WDR62: variants seen among roughly 807,000 people sequenced by gnomAD.
WDR62 encodes the protein WD repeat domain 62, also known as WD repeat-containing protein 62.
In WDR62, 112 loss-of-function variants were observed where a neutral mutation model predicts 160.6. The observed-to-expected ratio is 0.70, with a 90% CI of 0.60 to 0.82. The LOEUF (loss-of-function observed/expected upper bound fraction) is 0.82. Among genes scored for constraint, WDR62 ranks in the 40% least tolerant of loss-of-function variants. WDR62 has a pLI of 0.00. For synonymous variants in WDR62, 792 were observed against 815.1 expected (o/e 0.97, Z 0.48); for missense variants, 1,819 against 1,983.8 (o/e 0.92, Z 1.58).
At position 36,066,170 on chromosome 19, in the gene WDR62, C is replaced by T. The variant is rs1007131542; in HGVS notation, c.391-87C>T. 35 of 1,602,116 alleles carry T rather than the reference C, an allele frequency of 2.2e-5. No homozygotes were observed. In the Middle Eastern group the frequency reaches 7.7e-4, roughly 35 times the overall value. On this transcript the variant is annotated intron_variant, in intron 4 of 31. Coordinates refer to ENST00000401500, the MANE Select transcript of WDR62 (RefSeq NM_001083961.2). ...GGGGGAGGTGGCTTTTGGGCACATC[C>T]TGTGGCAATGCCATCTTCGGCCTTG... is the stretch of plus-strand genomic sequence containing the variant.
Position 36,083,382 on chromosome 19 carries a change from C to A in WDR62, c.1550+141C>A, listed in dbSNP as rs1016992. ...CTGTGAATAGTAATCCCATGAACAG[C>A]TCCCATTGGGAACTTAAGCTCGTAA... is the stretch of plus-strand genomic sequence containing the variant. On this transcript the variant is annotated intron_variant, in intron 11 of 31. Transcript: ENST00000401500. The A allele has an allele frequency of 0.039, 35,416 of 897,882 alleles. 999 individuals carry two copies. The highest frequency in any genetic ancestry group is 0.1 in the East Asian group (3,884 of 37,600). 55.6% of individuals were successfully genotyped at this position (897,882 alleles called of 1,614,324 possible).
intron 22 of WDR62, among the ~76,000 whole-genome samples, chr19:36,100,218 G>A (rs1036663395): frequency 5.3e-5 from 8 of 152,160 alleles, no homozygotes; most frequent in Non-Finnish European, 7.3e-5. Context: ...AGAGGTGCCC[G>A]TGCAACTTTA....
At chr19:36,091,564 T>A in intron 18 of WDR62, 99 bp downstream of exon 18, 1 of 1,223,626 alleles carries the variant, frequency 8.2e-7, no homozygotes, top group Non-Finnish European at 1.2e-6. Flanking sequence ...CCAGTTTGGA[T>A]TGTGGGAGTC....
In WDR62 at chr19:36,103,953, C is replaced by T; in HGVS notation, c.4125C>T (p.Gly1375=). 6.3e-7 allele frequency: 1 copy of T among 1,598,514 alleles called. No homozygotes were observed. The highest frequency in any genetic ancestry group is 8.5e-7 in the Non-Finnish European group (1 of 1,179,908). The part of the protein sequence containing the change: ...LPEARPGIPG[G]TASLLEPTSG... ...AGGCCCGGCCTGGCATCCCTGGCGGCACTGCCTCCCTCCTGGAGCCCACCT... is the reference window on the plus strand; with the variant it reads ...AGGCCCGGCCTGGCATCCCTGGCGGTACTGCCTCCCTCCTGGAGCCCACCT... The change falls in exon 30 of 32, where the codon GGC becomes GGT. Residue 1375 remains glycine, a synonymous_variant. Transcript: ENST00000401500.
Position 36,061,045 on chromosome 19 carries a change from TGGC to T in WDR62, c.332+1016_332+1018del, listed in dbSNP as rs1418520230. ...TTGGAAGGCACACCATGTCCCTCCTTGGCATAGCTCAGGCTCAGCTCCTTTGGC... is the reference window on the plus strand; with the variant it reads ...TTGGAAGGCACACCATGTCCCTCCTTATAGCTCAGGCTCAGCTCCTTTGGC... On this transcript the variant is annotated intron_variant, in intron 3 of 31. Coordinates refer to ENST00000401500, the MANE Select transcript of WDR62 (RefSeq NM_001083961.2). 4.6e-5 allele frequency: 7 copies of T among 152,466 alleles called. No individual in the cohort carries two copies. The East Asian group carries it at 1.2e-3, about 25-fold the overall frequency. The allele number at this position is 152,466 out of a possible 1,614,324, so 9.4% of individuals were successfully genotyped here.
In WDR62 at chr19:36,089,452, T is replaced by C; in HGVS notation, c.1958+146T>C. 5 of 1,406,656 alleles carry C rather than the reference T, an allele frequency of 3.6e-6. No homozygotes were observed. The South Asian group carries it at 6.0e-5, about 17-fold the overall frequency. The allele number at this position is 1,406,656 out of a possible 1,614,324, so 87.1% of individuals were successfully genotyped here. On this transcript the variant is annotated intron_variant, in intron 15 of 31. Transcript: ENST00000401500. ...GTTCCTTCTTGGTTTTTTTTTGTTT[T>C]TGTTTTTGAGGCAGAGTCTTGCTCT...
intron 4 of WDR62, 71 bp downstream of exon 4, chr19:36,066,086 G>A: frequency 6.3e-7 from 1 of 1,593,042 alleles, no homozygotes; most frequent in Non-Finnish European, 8.6e-7. Context: ...TCTGCTCCCG[G>A]CAGGCCTGGG....
At chr19:36,110,911 AG>A in the WDR62 span, among the ~76,000 whole-genome samples, 2 of 151,648 alleles carry the variant, frequency 1.3e-5, no homozygotes, top group Non-Finnish European at 2.9e-5. Context: ...TATCCTCAAA[AG>A]CTCCCCAGGC....
intron 6 of WDR62, 39 bp downstream of exon 6, chr19:36,067,482 G>A (rs1307230060): frequency 6.2e-7 from 1 of 1,613,454 alleles, no homozygotes; most frequent in Non-Finnish European, 8.5e-7. Flanking sequence ...AGGCCCTGAG[G>A]GAGTCACCAT....
intron 26 of WDR62, 46 bp downstream of exon 26, chr19:36,102,197 C>T (rs776921593): frequency 1.9e-6 from 3 of 1,613,468 alleles, no homozygotes; most frequent in Non-Finnish European, 8.5e-7. Flanking sequence ...TCTGTGCAGC[C>T]TGGGCACAGC....
Position 36,054,982 on chromosome 19 carries a change from T to G in WDR62, c.11T>G (p.Val4Gly), listed in dbSNP as rs1304578626. 3 of 1,602,750 alleles carry G rather than the reference T, an allele frequency of 1.9e-6. No individual in the cohort carries two copies. The highest frequency in any genetic ancestry group is 2.6e-6 in the Non-Finnish European group (3 of 1,176,424). Residue 4 changes from valine (V) to glycine (G), a missense_variant, in exon 1 of 32, where the codon GTA becomes GGA. By Grantham distance (109) the Val-to-Gly change is moderately radical. This residue lies in a region of WDR62 where 115 missense variants were observed against 92.4 expected (regional missense o/e 1.24). Coordinates refer to ENST00000401500, the MANE Select transcript of WDR62 (RefSeq NM_001083961.2). MAA[V>G]GSGGYARNDA... ...GCCTCCGGCGTGACGATGGCGGCCG[T>G]AGGGTCCGGAGGCTATGCGCGGAAC...
intron 7 of WDR62, among the ~76,000 whole-genome samples, chr19:36,070,037 GGAGAAGGAGAGGGA>G (rs1971209832): frequency 7.1e-6 from 1 of 141,082 alleles, no homozygotes. Context: ...GAGACCGTGG[GGAGAAGGAGAGGGA>G]GAGGAGGATT....
chr19:36,055,842 CAA>C (rs1386177261), intron 1 of WDR62, among the ~76,000 whole-genome samples: 1 of 152,124 alleles, frequency 6.6e-6, no homozygotes, highest in East Asian at 1.9e-4. Flanking sequence ...TGTGTAGGCA[CAA>C]AATCTGTTTT....
intron 1 of WDR62, among the ~76,000 whole-genome samples, chr19:36,056,376 A>T (rs1376445510): frequency 6.6e-6 from 1 of 152,054 alleles, no homozygotes; most frequent in Admixed American, 6.6e-5. Context: ...GCTCTCTGTC[A>T]CCAAGGTTCA....
downstream of WDR62, chr19:36,105,165 G>T: frequency 1.7e-6 from 2 of 1,165,614 alleles, no homozygotes; most frequent in Non-Finnish European, 1.2e-6. Context: ...TGGAAGTGGG[G>T]AGGGAGGGTA....
chr19:36,086,840 G>A lies in WDR62; in HGVS notation c.1768+28G>A, dbSNP rs77938609. The A allele has an allele frequency of 0.052, 83,449 of 1,602,418 alleles. 4,338 individuals carry two copies. The highest frequency in any genetic ancestry group is 0.21 in the East Asian group (9,409 of 44,476). ...GAGCCCCTTTCTTCCCGCTCCCTGCGCCTTGCTAGCTACCCTGCTAAAAAA... is the reference window on the plus strand; with the variant it reads ...GAGCCCCTTTCTTCCCGCTCCCTGCACCTTGCTAGCTACCCTGCTAAAAAA... On this transcript the variant is annotated intron_variant, in intron 13 of 31. Coordinates refer to ENST00000401500, the MANE Select transcript of WDR62 (RefSeq NM_001083961.2).
chr19:36,094,477 C>A (rs991661216), intron 20 of WDR62, among the ~76,000 whole-genome samples: 2 of 151,906 alleles, frequency 1.3e-5, no homozygotes, highest in Admixed American at 1.3e-4. Context: ...TTGCTTGAAC[C>A]TGGGAGGCAG....
chr19:36,094,520 C>T (rs1338875648), intron 20 of WDR62, among the ~76,000 whole-genome samples: 1 of 151,740 alleles, frequency 6.6e-6, no homozygotes, highest in African/African-American at 2.4e-5. Context: ...CGCCACTGCA[C>T]TCCAGCCTGG....
chr19:36,059,280 C>T (rs1169134992), intron 2 of WDR62, among the ~76,000 whole-genome samples: 1 of 152,146 alleles, frequency 6.6e-6, no homozygotes, highest in East Asian at 1.9e-4. Context: ...GAAGATGCTA[C>T]AGCTGTTCAT....
Sources: gnomAD v4.1 joint callset for allele counts (sites outside exome capture counted in the v4.1 genomes callset) on GRCh38, gnomAD v4.1.1 for gene constraint, gnomAD v4.1.1 regional missense constraint, MANE v1.5 for transcripts, NCBI Gene and HGNC (gene_info 2026-07-23, HGNC 2026-07-21) for gene names.